The following DOCK3 variants were observed in gnomAD, a reference collection of about 807,000 sequenced individuals.
DOCK3 encodes dedicator of cytokinesis 3.
A neutral mutation model predicts 265.6 loss-of-function variants in DOCK3; 60 were observed. The observed-to-expected ratio is 0.23, with a 90% CI of 0.18 to 0.28. The LOEUF (loss-of-function observed/expected upper bound fraction) is 0.28, where lower values mean the gene tolerates loss of function less well. DOCK3 is among the 10% of genes least tolerant of loss of function. The probability of loss-of-function intolerance (pLI) is 1.00; values close to 1 mark genes in which losing one functional copy is unlikely to be tolerated. For missense variants in DOCK3, 1,981 were observed against 2,594.3 expected, an observed-to-expected ratio of 0.76 and a Z score of 5.14; for synonymous variants, 881 against 938.0, an observed-to-expected ratio of 0.94 and a Z score of 1.11.
intron 11 of DOCK3, 123 bp downstream of exon 11, chr3:51,159,427 TC>T: frequency 1.1e-6 from 1 of 873,978 alleles, no homozygotes; most frequent in African/African-American, 1.6e-5. Context: ...AGGATTAGAG[TC>T]CAGCTTGTAT....
At position 51,375,826 on chromosome 3, in the gene DOCK3, G is replaced by A. The variant is rs2088074009; in HGVS notation, c.5491G>A (p.Ala1831Thr). ...CTGCAGTGATCCCAATCTGTCTGTG[G>A]CTGAAAAAGGTATTGTTGCCCAGGT... is the stretch of plus-strand genomic sequence containing the variant. Reference protein sequence around the residue: ...KPCSDPNLSVAEKGHYSLHFD... With the variant: ...KPCSDPNLSVTEKGHYSLHFD... The change falls in exon 51 of 53, where the codon GCT (alanine) becomes ACT (threonine). Residue 1831 changes from alanine to threonine, a missense_variant. Coordinates refer to ENST00000266037, the MANE Select transcript of DOCK3 (RefSeq NM_004947.5). 2 of 1,613,828 alleles carry A rather than the reference G, an allele frequency of 1.2e-6. No homozygotes were observed. Among genetic ancestry groups the A allele is most frequent in the South Asian group, 2.2e-5 (2 of 91,080 alleles).
At chr3:51,248,791 C>A (rs2078975956) in intron 22 of DOCK3, among the ~76,000 whole-genome samples, 1 of 150,262 alleles carries the variant, frequency 6.7e-6, no homozygotes, top group South Asian at 2.1e-4. Context: ...AAGTGAGGAG[C>A]GTCTTTGCCC....
intron 9 of DOCK3, among the ~76,000 whole-genome samples, chr3:51,121,322 C>T (rs2084007312): frequency 6.6e-6 from 1 of 152,132 alleles, no homozygotes; most frequent in South Asian, 2.1e-4. Context: ...TGGGCTACAC[C>T]CACTGTGTAA....
At chr3:50,971,159 A>C (rs936322777) in intron 5 of DOCK3, among the ~76,000 whole-genome samples, 2 of 150,556 alleles carry the variant, frequency 1.3e-5, no homozygotes, top group African/African-American at 4.9e-5. Flanking sequence ...TCAGTTTTGA[A>C]ATCTTTATCT....
intron 3 of DOCK3, among the ~76,000 whole-genome samples, chr3:50,875,048 C>T (rs780949592): frequency 2.0e-5 from 3 of 151,960 alleles, no homozygotes; most frequent in Admixed American, 6.6e-5. Context: ...CGTCACACAC[C>T]GGAGTTGTGG....
intron 5 of DOCK3, among the ~76,000 whole-genome samples, chr3:50,993,853 GAACA>G (rs529345288): frequency 1.1e-3 from 172 of 152,184 alleles, no homozygotes; most frequent in African/African-American, 4.0e-3. Context: ...ATGATATTCA[GAACA>G]AAGACCCAAA....
At chr3:50,713,262 A>AG (rs1290130115) in intron 1 of DOCK3, among the ~76,000 whole-genome samples, 1 of 152,218 alleles carries the variant, frequency 6.6e-6, no homozygotes, top group African/African-American at 2.4e-5. Flanking sequence ...ATTTTTCTCC[A>AG]GGGGTATGTG....
chr3:50,842,616 G>A (rs1473969587), intron 3 of DOCK3, among the ~76,000 whole-genome samples: 2 of 151,956 alleles, frequency 1.3e-5, no homozygotes, highest in African/African-American at 4.8e-5. Context: ...CAGAGTATAT[G>A]GCTTCTACCT....
chr3:51,264,429 A>G (rs554004286), intron 23 of DOCK3, among the ~76,000 whole-genome samples: 9 of 152,306 alleles, frequency 5.9e-5, no homozygotes, highest in East Asian at 5.8e-4. Flanking sequence ...TATAGCACTA[A>G]ATGCCCACAG....
At chr3:50,767,070 C>A (rs545834269) in intron 1 of DOCK3, among the ~76,000 whole-genome samples, 2 of 152,132 alleles carry the variant, frequency 1.3e-5, no homozygotes, top group East Asian at 3.9e-4. Flanking sequence ...CTGTAGGTTG[C>A]CTGTTCGCTC....
At chr3:50,798,394 G>A (rs1039380340) in intron 2 of DOCK3, among the ~76,000 whole-genome samples, 9 of 152,160 alleles carry the variant, frequency 5.9e-5, no homozygotes, top group Non-Finnish European at 1.3e-4. Context: ...CCCAGTTCAT[G>A]ACAATGACAA....
chr3:51,236,324 C>A, intron 19 of DOCK3, 21 bp from the exon 20 acceptor site: 1 of 1,599,674 alleles, frequency 6.3e-7, no homozygotes, highest in South Asian at 1.1e-5. Flanking sequence ...CCTGAGCCCT[C>A]TGCTTTTTAT....
chr3:51,160,892 C>G (rs1440486384), intron 12 of DOCK3, among the ~76,000 whole-genome samples, 190 bp downstream of exon 12: 1 of 151,710 alleles, frequency 6.6e-6, no homozygotes, highest in Non-Finnish European at 1.5e-5. Flanking sequence ...CTGGCTAACA[C>G]GGTGAAACCT....
intron 49 of DOCK3, among the ~76,000 whole-genome samples, chr3:51,368,062 C>T (rs1158839325): frequency 6.6e-6 from 1 of 152,196 alleles, no homozygotes; most frequent in African/African-American, 2.4e-5. Flanking sequence ...GGGAAGTTCT[C>T]CTGGATAATA....
intron 2 of DOCK3, among the ~76,000 whole-genome samples, chr3:50,816,784 A>T (rs2044102327): frequency 1.3e-5 from 2 of 151,070 alleles, no homozygotes; most frequent in African/African-American, 4.9e-5. Context: ...TTTCTCTCTT[A>T]TATTTTCATT....
intron 5 of DOCK3, among the ~76,000 whole-genome samples, chr3:51,040,628 G>A (rs2080444822): frequency 6.6e-6 from 1 of 152,092 alleles, no homozygotes; most frequent in African/African-American, 2.4e-5. Context: ...AGATTTCTCT[G>A]TAGCTTGCAA....
At chr3:50,708,076 G>C (rs1010110704) in intron 1 of DOCK3, among the ~76,000 whole-genome samples, 8 of 152,202 alleles carry the variant, frequency 5.3e-5, no homozygotes. Context: ...AGCATGTGCA[G>C]ATGCTGACAG....
At position 51,160,445 on chromosome 3, in the gene DOCK3, A is replaced by T. The variant is rs868651241; in HGVS notation, c.890-110A>T. 2.9e-6 allele frequency: 4 copies of T among 1,371,250 alleles called. No homozygotes were observed. The Middle Eastern group carries it at 5.7e-4, about 195-fold the overall frequency. 84.9% of individuals were successfully genotyped at this position (1,371,250 alleles called of 1,614,324 possible). On this transcript the variant is annotated intron_variant, in intron 11 of 52. Coordinates refer to ENST00000266037, the MANE Select transcript of DOCK3 (RefSeq NM_004947.5). ...CCTTCAGCCCTGTAGTCTTCACCTT[A>T]GAGGATTTCCTAGGTGCCTGTAGCT... is the stretch of plus-strand genomic sequence containing the variant.
chr3:51,231,394 G>T (rs191287753), intron 19 of DOCK3, among the ~76,000 whole-genome samples: 1 of 152,164 alleles, frequency 6.6e-6, no homozygotes. Flanking sequence ...CTCCCAAAGT[G>T]CTGGGATTAC....
Sources: gnomAD v4.1 joint callset for allele counts (sites outside exome capture counted in the v4.1 genomes callset) on GRCh38, gnomAD v4.1.1 for gene constraint, MANE v1.5 for transcripts, NCBI Gene and HGNC (gene_info 2026-07-23, HGNC 2026-07-21) for gene names.